The following ADGRG6 variants were observed in gnomAD, a reference collection of about 807,000 sequenced individuals.
ADGRG6 encodes adhesion G protein-coupled receptor G6.
A neutral mutation model predicts 142.4 loss-of-function variants in ADGRG6; 84 were observed. The ratio of observed to expected loss-of-function variants is 0.59; its 90% CI spans 0.49 to 0.71. The LOEUF (loss-of-function observed/expected upper bound fraction) is 0.71, where lower values mean the gene tolerates loss of function less well. Ranked by LOEUF, ADGRG6 falls within the 30% of genes least tolerant of loss-of-function variation. The pLI, the probability that ADGRG6 is intolerant of heterozygous loss-of-function variation, is 0.00. For synonymous variants in ADGRG6, 521 were observed against 520.5 expected (o/e 1.00, Z -0.01); for missense variants, 1,367 against 1,466.6 (o/e 0.93, Z 1.11).
intron 6 of ADGRG6, among the ~76,000 whole-genome samples, chr6:142,387,618 T>G (rs1782096114): frequency 6.6e-6 from 1 of 152,216 alleles, no homozygotes; most frequent in Admixed American, 6.5e-5. Flanking sequence ...ACGTCTATTT[T>G]TTCAAATAGG....
chr6:142,381,651 A>C (rs1001619472), intron 4 of ADGRG6, among the ~76,000 whole-genome samples: 2 of 152,226 alleles, frequency 1.3e-5, no homozygotes, highest in African/African-American at 4.8e-5. Flanking sequence ...CCAAACTCTT[A>C]AAATTTATTA....
intron 4 of ADGRG6, among the ~76,000 whole-genome samples, chr6:142,381,250 A>G (rs763667998): frequency 1.3e-5 from 2 of 152,206 alleles, no homozygotes; most frequent in African/African-American, 2.4e-5. Flanking sequence ...GTGTGTATAT[A>G]TATGTGTATA....
chr6:142,356,571 G>T (rs1402109833), intron 2 of ADGRG6, among the ~76,000 whole-genome samples: 5 of 152,162 alleles, frequency 3.3e-5, no homozygotes, highest in Non-Finnish European at 5.9e-5. Context: ...CCTTAGTGAA[G>T]CATCATATGT....
intron 15 of ADGRG6, 35 bp from the exon 16 acceptor site, chr6:142,408,115 C>A: frequency 6.6e-7 from 1 of 1,505,676 alleles, no homozygotes; most frequent in Non-Finnish European, 8.9e-7. Flanking sequence ...AAGTGTACTT[C>A]TGACTGATAC....
At position 142,437,475 on chromosome 6, in the gene ADGRG6, G is replaced by A. The variant is rs953160908; in HGVS notation, c.3361G>A (p.Val1121Ile). Residue 1121 changes from valine (V) to isoleucine (I), a missense_variant, in exon 23 of 25, where the codon GTT becomes ATT. By Grantham distance (29) the Val-to-Ile change is conservative (BLOSUM62 3). Around this residue, in one of 3 missense-constraint regions of ADGRG6, gnomAD observed 344 missense variants for 348.7 expected, o/e 0.99. Coordinates refer to ENST00000367609, the MANE Select transcript of ADGRG6 (RefSeq NM_198569.3). ...CTTCCACTGTGCTATGAAGGAGAAT[G>A]TTCAGAAACAGTGGCGGCAGCATCT... ...FIFHCAMKENVQKQWRQHLCC... is the reference protein window; with the variant it reads ...FIFHCAMKENIQKQWRQHLCC... 2 of 1,586,210 alleles carry A rather than the reference G, an allele frequency of 1.3e-6. No individual in the cohort carries two copies. The highest frequency in any genetic ancestry group is 4.5e-5 in the East Asian group (2 of 44,708).
At chr6:142,374,961 T>C (rs1583056300) in intron 4 of ADGRG6, among the ~76,000 whole-genome samples, 1 of 152,298 alleles carries the variant, frequency 6.6e-6, no homozygotes, top group Middle Eastern at 3.4e-3. Flanking sequence ...TATACAATCA[T>C]TGTTATTAAC....
At position 142,419,846 on chromosome 6, in the gene ADGRG6, T is replaced by C; in HGVS notation, c.3061T>C (p.Phe1021Leu). 4 of 1,610,940 alleles carry C rather than the reference T, an allele frequency of 2.5e-6. No individual in the cohort carries two copies. The highest frequency in any genetic ancestry group is 2.2e-5 in the South Asian group (2 of 90,616). Residue 1021 changes from phenylalanine to leucine, a missense_variant, in exon 22 of 25, where the codon TTT (phenylalanine) becomes CTT (leucine). Around this residue, in one of 3 missense-constraint regions of ADGRG6, gnomAD observed 344 missense variants for 348.7 expected, o/e 0.99. Transcript: ENST00000367609. ...CTGTTGGATTCAAGATCCAGTCATA[T>C]TTTATGTGACCTGTGCTGGGTATTT... ...EFCWIQDPVI[F>L]YVTCAGYFGV...
chr6:142,331,790 G>C (rs1779076828), intron 2 of ADGRG6, among the ~76,000 whole-genome samples: 1 of 152,014 alleles, frequency 6.6e-6, no homozygotes, highest in Admixed American at 6.6e-5. Context: ...CTGCTTGCTA[G>C]CACCCCCTCA....
At chr6:142,391,950 A>G (rs569321307) in intron 7 of ADGRG6, among the ~76,000 whole-genome samples, 2 of 151,982 alleles carry the variant, frequency 1.3e-5, no homozygotes, top group South Asian at 4.1e-4. Flanking sequence ...TTACATTTAT[A>G]TTTACTTCAT....
chr6:142,340,535 A>G (rs1374338997), intron 2 of ADGRG6, among the ~76,000 whole-genome samples: 1 of 152,140 alleles, frequency 6.6e-6, no homozygotes, highest in Non-Finnish European at 1.5e-5. Context: ...GTATGCACAT[A>G]TACATTGTGC....
In ADGRG6 at chr6:142,318,330, A is replaced by G. The variant is rs867575647; in HGVS notation, c.103+8686A>G. 1.9e-3 allele frequency among the ~76,000 whole-genome samples: 169 copies of G among 90,042 alleles called. 5 individuals carry two copies. The highest frequency in any genetic ancestry group is 8.0e-3 in the African/African-American group (161 of 20,062). 59.1% of individuals were successfully genotyped at this position (90,042 alleles called of 152,430 possible). On this transcript the variant is annotated intron_variant, in intron 2 of 24. Coordinates refer to ENST00000367609, the MANE Select transcript of ADGRG6 (RefSeq NM_198569.3). ...TATATTATATATTTATATATTATAT[A>G]TATTTATATTATATATTTATATATT...
intron 2 of ADGRG6, among the ~76,000 whole-genome samples, chr6:142,324,994 A>T (rs1778696936): frequency 6.6e-6 from 1 of 152,188 alleles, no homozygotes; most frequent in African/African-American, 2.4e-5. Flanking sequence ...GTTGTAAACA[A>T]ATAGAATGAG....
chr6:142,347,460 A>G (rs1446145984), intron 2 of ADGRG6, among the ~76,000 whole-genome samples: 2 of 152,174 alleles, frequency 1.3e-5, no homozygotes, highest in Admixed American at 6.5e-5. Context: ...AAACCAAACA[A>G]TGATCTGAGT....
At chr6:142,422,489 C>T (rs544519999) in intron 22 of ADGRG6, among the ~76,000 whole-genome samples, 338 of 152,250 alleles carry the variant, frequency 2.2e-3, no homozygotes, top group Non-Finnish European at 3.3e-3. Context: ...ACAAAGGACA[C>T]GAACTCATCA....
intron 23 of ADGRG6, 23 bp downstream of exon 23, chr6:142,437,558 T>C: frequency 9.3e-7 from 1 of 1,074,590 alleles, no homozygotes; most frequent in Non-Finnish European, 1.5e-6. Flanking sequence ...TGATTAAATT[T>C]TACATCTACA....
In ADGRG6 at chr6:142,308,310, G is replaced by A. The variant is rs527904505; in HGVS notation, c.3-1234G>A. On this transcript the variant is annotated intron_variant, in intron 1 of 24. Transcript: ENST00000367609. Reference sequence around the variant, plus strand: ...GCGATCAAGCAATTTCCCAAGGTTTGCAGCATAGTTCATAAGTAGCAAACC... The same window carrying A: ...GCGATCAAGCAATTTCCCAAGGTTTACAGCATAGTTCATAAGTAGCAAACC... 2.0e-5 allele frequency among the ~76,000 whole-genome samples: 3 copies of A among 152,028 alleles called. No individual in the cohort carries two copies. In the East Asian group the frequency reaches 5.8e-4, roughly 29 times the overall value.
At chr6:142,421,831 A>G (rs1320754660) in intron 22 of ADGRG6, among the ~76,000 whole-genome samples, 1 of 152,212 alleles carries the variant, frequency 6.6e-6, no homozygotes, top group African/African-American at 2.4e-5. Context: ...AATCATATAA[A>G]TTCAGAACAG....
At chr6:142,380,393 A>G (rs1036933549) in intron 4 of ADGRG6, among the ~76,000 whole-genome samples, 18 of 152,056 alleles carry the variant, frequency 1.2e-4, no homozygotes, top group African/African-American at 4.3e-4. Flanking sequence ...TTGGTTTACA[A>G]TCTTGAGTGC....
intron 2 of ADGRG6, among the ~76,000 whole-genome samples, chr6:142,362,407 G>C (rs542548652): frequency 6.6e-6 from 1 of 152,300 alleles, no homozygotes; most frequent in Admixed American, 6.5e-5. Context: ...GTGTGTGAAT[G>C]AACTGGTATT....
Sources: gnomAD v4.1 joint callset for allele counts (sites outside exome capture counted in the v4.1 genomes callset) on GRCh38, gnomAD v4.1.1 for gene constraint, gnomAD v4.1.1 regional missense constraint, MANE v1.5 for transcripts, NCBI Gene and HGNC (gene_info 2026-07-23, HGNC 2026-07-21) for gene names.